The following LAMA3 variants were observed in gnomAD, a reference collection of about 807,000 sequenced individuals.
LAMA3 encodes the protein laminin subunit alpha-3.
LAMA3 carries 281 observed loss-of-function variants against 402.0 expected under a neutral mutation model. The ratio of observed to expected loss-of-function variants is 0.70; its 90% CI spans 0.63 to 0.77. The LOEUF (loss-of-function observed/expected upper bound fraction) is 0.77, where lower values mean the gene tolerates loss of function less well. Among genes scored for constraint, LAMA3 ranks in the 30% least tolerant of loss-of-function variants. The pLI, the probability that LAMA3 is intolerant of heterozygous loss-of-function variation, is 0.00. For missense variants in LAMA3, 3,840 were observed against 4,215.5 expected (o/e 0.91, Z 2.47); for synonymous variants, 1,431 against 1,558.4 (o/e 0.92, Z 1.93).
intron 23 of LAMA3, among the ~76,000 whole-genome samples, chr18:23,832,301 AT>A (rs757508655): frequency 2.1e-4 from 32 of 152,062 alleles, no homozygotes; most frequent in Non-Finnish European, 4.1e-4. Context: ...GCAGAGCCAT[AT>A]TTCCCTCTAG....
At position 23,838,810 on chromosome 18, in the gene LAMA3, A is replaced by C; in HGVS notation, c.3123A>C (p.Glu1041Asp). The change falls in exon 26 of 75, where the codon GAA becomes GAC. Residue 1041 changes from glutamate (E) to aspartate (D), a missense_variant. Around this residue, in one of 3 missense-constraint regions of LAMA3, gnomAD observed 2,109 missense variants for 2,376.0 expected, o/e 0.89. Transcript: ENST00000313654. The stretch of plus-strand genomic sequence containing the variant: ...AAGTTTGTATCATACCTATTGAAGA[A>C]TTCTCAGCTGAGTATGTGAGACCAC... ...LHQVCIIPIE[E>D]FSAEYVRPQV... 6.2e-7 allele frequency: 1 copy of C among 1,611,372 alleles called. No individual in the cohort carries two copies.
chr18:23,894,745 C>T (rs1010663283), intron 43 of LAMA3, among the ~76,000 whole-genome samples, 162 bp from the exon 44 acceptor site: 1 of 152,230 alleles, frequency 6.6e-6, no homozygotes, highest in African/African-American at 2.4e-5. Flanking sequence ...ACAGGGCTCT[C>T]CTTTTTTCAG....
intron 11 of LAMA3, chr18:23,781,368 G>C (rs2062434160): frequency 4.5e-6 from 2 of 447,878 alleles, no homozygotes; most frequent in Admixed American, 4.9e-5. Context: ...TTCTGAAAAG[G>C]AGGAAAAACT....
chr18:23,795,164 T>C (rs2337192), intron 12 of LAMA3, among the ~76,000 whole-genome samples: 34,577 of 152,218 alleles, frequency 0.23, 5,715 homozygotes, highest in East Asian at 0.65. Context: ...AAAATAATTG[T>C]TTTAAATTTA....
At chr18:23,783,884 A>G (rs2062487118) in intron 11 of LAMA3, 139 bp from the exon 12 acceptor site, 3 of 1,149,166 alleles carry the variant, frequency 2.6e-6, no homozygotes, top group Admixed American at 1.7e-5. Context: ...AACGCAGTGT[A>G]GTCTTCTGCG....
In LAMA3 at chr18:23,907,677, T is replaced by A; in HGVS notation, c.6835+11T>A. On this transcript the variant is annotated intron_variant, in intron 53 of 74. Coordinates refer to ENST00000313654, the MANE Select transcript of LAMA3 (RefSeq NM_198129.4). ...ATGGGATACAGAGAGGTCAGCATCT[T>A]CCTAATCCATTGTACTCGGTTGGCT... 6.2e-7 allele frequency: 1 copy of A among 1,611,170 alleles called. No homozygotes were observed. The highest frequency in any genetic ancestry group is 8.5e-7 in the Non-Finnish European group (1 of 1,177,262).
chr18:23,948,377 G>A (rs1258152), intron 70 of LAMA3, among the ~76,000 whole-genome samples: 23,518 of 152,000 alleles, frequency 0.15, 2,244 homozygotes, highest in South Asian at 0.24. Flanking sequence ...TCTGAACACC[G>A]GCACTGCAGT....
At chr18:23,891,691 A>G (rs1200705741) in intron 42 of LAMA3, among the ~76,000 whole-genome samples, 2 of 152,198 alleles carry the variant, frequency 1.3e-5, no homozygotes, top group African/African-American at 2.4e-5. Context: ...TAGCTATGTG[A>G]TAAGTGGTAA....
intron 7 of LAMA3, among the ~76,000 whole-genome samples, chr18:23,761,223 G>A (rs1023758128): frequency 6.6e-6 from 1 of 152,060 alleles, no homozygotes; most frequent in Non-Finnish European, 1.5e-5. Context: ...CCAAGTGTTT[G>A]TTGAGTACCC....
intron 8 of LAMA3, among the ~76,000 whole-genome samples, chr18:23,772,769 AT>A (rs2062229161): frequency 1.3e-5 from 2 of 152,274 alleles, no homozygotes; most frequent in Non-Finnish European, 2.9e-5. Flanking sequence ...CTTTCTTTTC[AT>A]TAGTGAAAGA....
intron 2 of LAMA3, among the ~76,000 whole-genome samples, chr18:23,742,831 T>C (rs562747579): frequency 6.6e-6 from 1 of 152,332 alleles, no homozygotes; most frequent in Admixed American, 6.5e-5. Context: ...AATGCTACCT[T>C]GTGGAATAGT....
rs2064523538 is a variant in LAMA3, at chr18:23,871,613, TG to T, written c.4951del (p.Val1651TrpfsTer98). The T allele has an allele frequency of 6.2e-7, 1 of 1,613,434 alleles. No homozygotes were observed. The highest frequency in any genetic ancestry group is 1.3e-5 in the African/African-American group (1 of 74,924). On this transcript the variant is annotated frameshift_variant, in exon 38 of 75. Transcript: ENST00000313654. LOFTEE classifies it high-confidence loss of function. ...CAGGAAGTGGGCGCATAGCACTTGC[TG>T]TGGAAATCTGTGCCTGCCCCCCTGC... ...DTGSGRIALA[V>X]EICACPPAYA...
chr18:23,857,721 T>A, intron 32 of LAMA3, 123 bp from the exon 33 acceptor site: 6 of 1,212,514 alleles, frequency 4.9e-6, no homozygotes, highest in Non-Finnish European at 6.1e-6. Flanking sequence ...CCTTGGACTA[T>A]AAGCAGGCAT....
rs367885728 is a variant in LAMA3 at position 23,696,284 on chromosome 18, T to C, written c.294+6307T>C. ...CATTTACTGTATCTTTAATGTATCA[T>C]TGAATTCTAAATGTTTTTGATGAAC... On this transcript the variant is annotated intron_variant, in intron 1 of 74. Coordinates refer to ENST00000313654, the MANE Select transcript of LAMA3 (RefSeq NM_198129.4). 3.7e-4 allele frequency among the ~76,000 whole-genome samples: 57 copies of C among 152,374 alleles called. 3 individuals carry two copies. The South Asian group carries it at 0.01, about 27-fold the overall frequency.
chr18:23,713,901 C>A lies in LAMA3; in HGVS notation c.295-19C>A, dbSNP rs553902813. 4.9e-5 allele frequency: 78 copies of A among 1,603,492 alleles called. No homozygotes were observed. Among genetic ancestry groups the A allele is most frequent in the Non-Finnish European group, 5.9e-5 (70 of 1,176,992 alleles). ...AATAAAAAACAAAAAACAAAAAAAA[C>A]CCACTTTTTTTTTTTCAGGGCCAGT... On this transcript the variant is annotated intron_variant, in intron 1 of 74. Coordinates refer to ENST00000313654, the MANE Select transcript of LAMA3 (RefSeq NM_198129.4).
chr18:23,873,224 C>A lies in LAMA3; in HGVS notation c.4998+1563C>A, dbSNP rs201509982. 6.5e-5 allele frequency: 105 copies of A among 1,613,230 alleles called. No individual in the cohort carries two copies. Among genetic ancestry groups the A allele is most frequent in the Non-Finnish European group, 8.1e-5 (95 of 1,179,256 alleles). ...AGTTTAGACCCAGCCAGGTAACGTC[C>A]TTTTAAGTTTTGGTTTGTGATAGGG... On this transcript the variant is annotated intron_variant, in intron 38 of 74. Transcript: ENST00000313654.
intron 56 of LAMA3, 76 bp downstream of exon 56, chr18:23,912,957 CG>C: frequency 7.6e-7 from 1 of 1,323,414 alleles, no homozygotes; most frequent in Admixed American, 1.7e-5. Flanking sequence ...ATGTGTGGCA[CG>C]GCTGCATCAC....
chr18:23,896,207 A>C (rs887234265), intron 44 of LAMA3, among the ~76,000 whole-genome samples: 2 of 152,156 alleles, frequency 1.3e-5, no homozygotes, highest in Non-Finnish European at 2.9e-5. Context: ...ATGATGGCAC[A>C]TGCCTGTAGT....
chr18:23,721,687 G>A (rs577922070), intron 2 of LAMA3, among the ~76,000 whole-genome samples: 108 of 152,118 alleles, frequency 7.1e-4, no homozygotes, highest in African/African-American at 2.5e-3. Context: ...GTCTTGTGCC[G>A]TATTATCTCT....
Sources: allele counts gnomAD v4.1 joint callset (sites outside exome capture counted in the v4.1 genomes callset), GRCh38; gene constraint gnomAD v4.1.1; regional missense constraint gnomAD v4.1.1; transcripts MANE v1.5; gene names NCBI Gene and HGNC (gene_info 2026-07-23, HGNC 2026-07-21).